RFC3: variants seen among roughly 807,000 people sequenced by gnomAD.
The protein encoded by RFC3 is A1 38 kDa subunit.
Under a neutral mutation model 45.1 loss-of-function variants are expected in RFC3, and 41 were observed. The ratio of observed to expected loss-of-function variants is 0.91; its 90% CI spans 0.71 to 1.18. The LOEUF (loss-of-function observed/expected upper bound fraction) is 1.18, where lower values mean the gene tolerates loss of function less well. RFC3 is among the 50% of genes most tolerant of loss of function. The probability of loss-of-function intolerance (pLI) is 0.00; values close to 1 mark genes in which losing one functional copy is unlikely to be tolerated. For missense variants in RFC3, 423 were observed against 428.1 expected, an observed-to-expected ratio of 0.99 and a Z score of 0.10; for synonymous variants, 149 against 144.0, an observed-to-expected ratio of 1.03 and a Z score of -0.25.
At chr13:33,916,287 T>C (rs948338787) in intron 8 of RFC3, among the ~76,000 whole-genome samples, 1 of 152,128 alleles carries the variant, frequency 6.6e-6, no homozygotes, top group African/African-American at 2.4e-5. Flanking sequence ...AAAACTGTTT[T>C]CCTTAAGACC....
intron 8 of RFC3, among the ~76,000 whole-genome samples, chr13:33,937,014 T>C (rs556922261): frequency 1.3e-5 from 2 of 152,306 alleles, no homozygotes; most frequent in African/African-American, 4.8e-5. Context: ...GTGATGACTA[T>C]GTTAATTATC....
intron 8 of RFC3, among the ~76,000 whole-genome samples, chr13:33,932,757 T>G (rs2082860588): frequency 6.6e-6 from 1 of 152,196 alleles, no homozygotes; most frequent in Admixed American, 6.6e-5. Context: ...AGTCTATGTA[T>G]TTTTTCTTGA....
At chr13:33,917,354 G>A (rs148627927) in intron 8 of RFC3, among the ~76,000 whole-genome samples, 256 of 152,234 alleles carry the variant, frequency 1.7e-3, no homozygotes, top group African/African-American at 6.0e-3. Context: ...GGCATGGAAA[G>A]GATGGTTAGT....
At position 33,895,494 on chromosome 13, in the gene RFC3, G is replaced by A. The variant is rs148806234; in HGVS notation, c.879+60277G>A. Reference sequence around the variant, plus strand: ...ATTAGAAAGTCAAAAAACAATAGATGTTGGCATGGATGTGGTAAAAAGGGA... The same window carrying A: ...ATTAGAAAGTCAAAAAACAATAGATATTGGCATGGATGTGGTAAAAAGGGA... On this transcript the variant is annotated intron_variant, in intron 8 of 8. Transcript: ENST00000434425. 1.5e-3 allele frequency among the ~76,000 whole-genome samples: 233 copies of A among 152,276 alleles called. 1 individual carries two copies. The highest frequency in any genetic ancestry group is 5.3e-3 in the African/African-American group (219 of 41,562).
intron 8 of RFC3, among the ~76,000 whole-genome samples, chr13:33,843,144 A>G (rs2139446814): frequency 6.6e-6 from 1 of 152,242 alleles, no homozygotes; most frequent in African/African-American, 2.4e-5. Context: ...GTTCCCAAGT[A>G]AAACATAGTC....
intron 8 of RFC3, among the ~76,000 whole-genome samples, chr13:33,928,244 A>C (rs954984602): frequency 3.3e-5 from 5 of 152,108 alleles, no homozygotes; most frequent in African/African-American, 1.2e-4. Flanking sequence ...AGACTGAGTC[A>C]ATCATGAAAG....
intron 8 of RFC3, among the ~76,000 whole-genome samples, chr13:33,924,265 C>T (rs969400369): frequency 2.0e-5 from 3 of 151,956 alleles, no homozygotes; most frequent in Middle Eastern, 3.4e-3. Context: ...CAAACATCAC[C>T]GGTTTTCTAT....
intron 1 of RFC3, among the ~76,000 whole-genome samples, chr13:33,819,734 A>T (rs932240348): frequency 1.3e-5 from 2 of 152,232 alleles, no homozygotes; most frequent in African/African-American, 4.8e-5. Flanking sequence ...GTTGTACAGA[A>T]TTTGGAATGT....
intron 5 of RFC3, 103 bp downstream of exon 5, chr13:33,830,120 C>G: frequency 1.0e-6 from 1 of 967,264 alleles, no homozygotes; most frequent in East Asian, 2.4e-5. Flanking sequence ...TTTAAGAACA[C>G]CTACAGACCT....
chr13:33,898,433 G>A (rs773954733), intron 8 of RFC3, among the ~76,000 whole-genome samples: 25 of 151,500 alleles, frequency 1.7e-4, no homozygotes, highest in Middle Eastern at 6.8e-3. Flanking sequence ...AAATTAAGAA[G>A]GAAATTTAAA....
At chr13:33,863,138 A>G (rs533983199) in intron 8 of RFC3, among the ~76,000 whole-genome samples, 3 of 152,360 alleles carry the variant, frequency 2.0e-5, no homozygotes, top group South Asian at 4.1e-4. Flanking sequence ...CCTTCCAGTC[A>G]TAAAGTGCCT....
At position 33,836,174 on chromosome 13, in the gene RFC3, A is replaced by G. The variant is rs541836078; in HGVS notation, c.950A>G (p.Tyr317Cys). Residue 317 changes from tyrosine (Y) to cysteine (C), a missense_variant, in exon 9 of 9, where the codon TAC (tyrosine) becomes TGC (cysteine). Transcript: ENST00000380071. ...GGGGAGGTGGCACAAATGGCAGCTT[A>G]CTATGAGCATCGTCTACAGCTGGGT... The part of the protein sequence containing the change: ...LKGEVAQMAA[Y>C]YEHRLQLGSK... The G allele has an allele frequency of 1.2e-6, 2 of 1,613,456 alleles. 1 individual carries two copies. The highest frequency in any genetic ancestry group is 2.2e-5 in the South Asian group (2 of 91,054).
chr13:33,881,687 G>T (rs181397718), intron 8 of RFC3, among the ~76,000 whole-genome samples: 28 of 151,882 alleles, frequency 1.8e-4, no homozygotes, highest in African/African-American at 6.8e-4. Context: ...ACACCCTCTC[G>T]TTCCCTCTGT....
chr13:33,954,997 T>C (rs1168609796), intron 8 of RFC3, among the ~76,000 whole-genome samples: 1 of 152,196 alleles, frequency 6.6e-6, no homozygotes, highest in Non-Finnish European at 1.5e-5. Flanking sequence ...ACTCAAACCA[T>C]TTGAATGGGG....
At chr13:33,911,108 A>C (rs914963769) in intron 8 of RFC3, among the ~76,000 whole-genome samples, 1 of 152,118 alleles carries the variant, frequency 6.6e-6, no homozygotes, top group Non-Finnish European at 1.5e-5. Flanking sequence ...GAAAGGTTTT[A>C]TTTATTAAAC....
At chr13:33,886,208 C>T (rs78453825) in intron 8 of RFC3, among the ~76,000 whole-genome samples, 1,895 of 152,024 alleles carry the variant, frequency 0.012, 36 homozygotes, top group African/African-American at 0.044. Context: ...TAGACATAGC[C>T]ACATGCCTGA....
chr13:33,848,118 C>A (rs1188594536), intron 8 of RFC3: 1 of 152,230 alleles, frequency 6.6e-6, no homozygotes, highest in Non-Finnish European at 1.5e-5. Context: ...ATCTAAACAC[C>A]TATCTGACGT....
At chr13:33,898,481 C>G (rs2082615968) in intron 8 of RFC3, among the ~76,000 whole-genome samples, 1 of 151,564 alleles carries the variant, frequency 6.6e-6, no homozygotes, top group Non-Finnish European at 1.5e-5. Flanking sequence ...ATAAAACATA[C>G]CAAAATCTAT....
chr13:33,832,326 C>T (rs2082112594), intron 7 of RFC3, among the ~76,000 whole-genome samples: 1 of 152,106 alleles, frequency 6.6e-6, no homozygotes, highest in Non-Finnish European at 1.5e-5. Context: ...AGTCTATAGA[C>T]TGAATAGACT....
Sources: gnomAD v4.1 joint callset for allele counts (sites outside exome capture counted in the v4.1 genomes callset) on GRCh38, gnomAD v4.1.1 for gene constraint, MANE v1.5 for transcripts, NCBI Gene and HGNC (gene_info 2026-07-23, HGNC 2026-07-21) for gene names.